DMD: variants seen among roughly 807,000 people sequenced by gnomAD.
DMD encodes mutant dystrophin.
DMD carries 63 observed loss-of-function variants against 330.1 expected under a neutral mutation model. That is an observed-to-expected ratio of 0.19 (90% CI 0.16 to 0.24). DMD has a LOEUF of 0.24. Ranked by LOEUF, DMD falls within the 10% of genes least tolerant of loss-of-function variation. The pLI is 1.00. For synonymous variants in DMD, 1,223 were observed against 959.8 expected (o/e 1.27, Z -5.07); for missense variants, 3,344 against 2,684.1 (o/e 1.25, Z -5.43).
intron 53 of DMD, among the ~76,000 whole-genome samples, chrX:31,665,788 A>C (rs1192125101): frequency 8.9e-6 from 1 of 111,791 alleles, no homozygotes; most frequent in Non-Finnish European, 1.9e-5. Context: ...ACATGGCTTC[A>C]TGTAATGAAT....
chrX:31,390,187 T>C (rs1286882261), intron 60 of DMD, among the ~76,000 whole-genome samples: 1 of 109,780 alleles, frequency 9.1e-6, no homozygotes, highest in East Asian at 2.9e-4. Flanking sequence ...CACTTACACA[T>C]TTATTCACAT....
intron 53 of DMD, among the ~76,000 whole-genome samples, chrX:31,676,493 A>G (rs997253887): frequency 8.9e-6 from 1 of 111,868 alleles, no homozygotes; most frequent in African/African-American, 3.2e-5. Flanking sequence ...CATTGCTTTC[A>G]TTTTCTACCT....
intron 33 of DMD, among the ~76,000 whole-genome samples, chrX:32,383,602 A>T (rs1228364621): frequency 3.6e-5 from 4 of 110,886 alleles, no homozygotes; most frequent in Non-Finnish European, 5.7e-5. Flanking sequence ...TACTTCAAAA[A>T]TAAATGTTTG....
chrX:31,128,692 C>T (rs1350535764), intron 77 of DMD, among the ~76,000 whole-genome samples: 1 of 111,445 alleles, frequency 9.0e-6, no homozygotes, highest in East Asian at 2.8e-4. Context: ...TGTTATGTTC[C>T]AGATCCTTCT....
intron 9 of DMD, among the ~76,000 whole-genome samples, chrX:32,689,246 C>A (rs1659406445): frequency 9.1e-6 from 1 of 109,997 alleles, no homozygotes; most frequent in Non-Finnish European, 1.9e-5. Flanking sequence ...GACTATAACA[C>A]AATAACGCTC....
intron 44 of DMD, among the ~76,000 whole-genome samples, chrX:32,208,154 T>G (rs1160104292): frequency 8.9e-6 from 1 of 111,742 alleles, no homozygotes; most frequent in Non-Finnish European, 1.9e-5. Context: ...TAGGGTATAA[T>G]AAATTAAGAC....
chrX:31,256,534 AAATT>A (rs1426673404), intron 63 of DMD, among the ~76,000 whole-genome samples: 1 of 107,129 alleles, frequency 9.3e-6, no homozygotes, highest in Non-Finnish European at 1.9e-5. Context: ...AAATAATCTA[AAATT>A]AATTATCTTA....
intron 7 of DMD, among the ~76,000 whole-genome samples, chrX:32,704,822 G>T (rs761664254): frequency 6.3e-4 from 70 of 111,975 alleles, no homozygotes; most frequent in African/African-American, 2.2e-3. Context: ...AAAACAGAAA[G>T]GCCTATATGT....
Position 32,373,894 on chromosome X carries a change from C to A in DMD, c.4845+6616G>T, listed in dbSNP as rs754243607. Among the ~76,000 whole-genome samples, 31 of 111,712 alleles carry A rather than the reference C, an allele frequency of 2.8e-4. 1 individual carries two copies. The highest frequency in any genetic ancestry group is 2.8e-3 in the Admixed American group (29 of 10,522). The stretch of plus-strand genomic sequence containing the variant: ...TATTGAGGATCCTGGACCCACATGA[C>A]TTTGAAATCCTTAGGAGTGAATGAC... On this transcript the variant is annotated intron_variant, in intron 34 of 78. Coordinates refer to ENST00000357033, the MANE Select transcript of DMD (RefSeq NM_004006.3).
chrX:32,054,544 T>G (rs1381004165), intron 44 of DMD, among the ~76,000 whole-genome samples: 4 of 109,396 alleles, frequency 3.7e-5, no homozygotes, highest in Non-Finnish European at 7.6e-5. Flanking sequence ...AAATTCTAAT[T>G]GACCTGTGCA....
At position 31,861,993 on chromosome X, in the gene DMD, G is replaced by A. The variant is rs1556950699; in HGVS notation, c.7098+13195C>T. Among the ~76,000 whole-genome samples the A allele has an allele frequency of 3.7e-5, 4 of 106,693 alleles. No individual in the cohort carries two copies. In the South Asian group the frequency reaches 1.7e-3, roughly 44 times the overall value. 92.7% of individuals were successfully genotyped at this position (106,693 alleles called of 115,157 possible). ...CACACACACCTACATCCTATTCTTG[G>A]AAGGCTACCCAGGAAACTGAAAACC... On this transcript the variant is annotated intron_variant, in intron 48 of 78. Transcript: ENST00000357033.
At chrX:32,505,502 C>A (rs2044525364) in intron 18 of DMD, among the ~76,000 whole-genome samples, 1 of 112,184 alleles carries the variant, frequency 8.9e-6, no homozygotes, top group Admixed American at 9.4e-5. Context: ...TCCAAGAACA[C>A]TGACAAAACC....
intron 50 of DMD, among the ~76,000 whole-genome samples, chrX:31,778,565 ATTT>A (rs36164865): frequency 4.8e-5 from 3 of 63,056 alleles, no homozygotes; most frequent in African/African-American, 6.7e-5. Context: ...AAGTCCTGAA[ATTT>A]TTTTTTTTTT....
intron 1 of DMD, among the ~76,000 whole-genome samples, chrX:33,299,452 A>C (rs774353972): frequency 1.1e-4 from 12 of 111,544 alleles, no homozygotes; most frequent in African/African-American, 3.6e-4. Flanking sequence ...TATTTGAAAA[A>C]ACTTTGGTAA....
chrX:33,194,768 C>T (rs1012030409), intron 1 of DMD, among the ~76,000 whole-genome samples: 4 of 110,943 alleles, frequency 3.6e-5, no homozygotes, highest in African/African-American at 1.3e-4. Context: ...CTGTGCATAC[C>T]AGATCTGTGG....
At chrX:32,943,591 A>G (rs1387280450) in intron 2 of DMD, among the ~76,000 whole-genome samples, 1 of 110,451 alleles carries the variant, frequency 9.1e-6, no homozygotes, top group East Asian at 2.9e-4. Flanking sequence ...TGTTGTTTCC[A>G]TTTTTCACTG....
chrX:32,159,405 A>C (rs781067400), intron 44 of DMD, among the ~76,000 whole-genome samples: 3 of 111,944 alleles, frequency 2.7e-5, no homozygotes, highest in Admixed American at 9.5e-5. Context: ...ATTTAATTAT[A>C]ATCAGTACAT....
chrX:33,178,333 AG>A (rs1215830071), intron 1 of DMD, among the ~76,000 whole-genome samples: 2 of 111,917 alleles, frequency 1.8e-5, no homozygotes, highest in African/African-American at 6.5e-5. Context: ...AAAGTTGCAC[AG>A]AAAGATGGAA....
chrX:31,407,919 T>A (rs1418130482), intron 60 of DMD, among the ~76,000 whole-genome samples: 1 of 111,670 alleles, frequency 9.0e-6, no homozygotes, highest in East Asian at 2.8e-4. Context: ...ACACACAACA[T>A]TTAACCAGAA....
Sources: allele counts gnomAD v4.1 joint callset (sites outside exome capture counted in the v4.1 genomes callset), GRCh38; gene constraint gnomAD v4.1.1; transcripts MANE v1.5; gene names NCBI Gene and HGNC (gene_info 2026-07-23, HGNC 2026-07-21).